SH3RF1: variants seen among roughly 807,000 people sequenced by gnomAD.
SH3RF1 encodes E3 ubiquitin-protein ligase SH3RF1.
In SH3RF1, 32 loss-of-function variants were observed where a neutral mutation model predicts 74.0. That is an observed-to-expected ratio of 0.43 (90% confidence interval 0.33 to 0.58). The LOEUF is 0.58. SH3RF1 is among the 20% of genes least tolerant of loss of function. SH3RF1 has a pLI of 0.05. For synonymous variants in SH3RF1, 396 were observed against 439.6 expected, an observed-to-expected ratio of 0.90 and a Z score of 1.24; for missense variants, 954 against 1,130.9, an observed-to-expected ratio of 0.84 and a Z score of 2.24.
rs1327609113 is a variant in SH3RF1 at position 169,096,119 on chromosome 4, C to T, written c.*400G>A. 1 of 156,974 alleles carries T rather than the reference C, an allele frequency of 6.4e-6. No homozygotes were observed. The highest frequency in any genetic ancestry group is 1.4e-5 in the Non-Finnish European group (1 of 71,222). 9.7% of individuals were successfully genotyped at this position (156,974 alleles called of 1,614,324 possible). ...AGGAGATAATCCAGCTTCTCCTTAC[C>T]TATCATTTCATAAATTAATAATTTC... On this transcript the variant is annotated 3_prime_UTR_variant, in exon 12 of 12. Coordinates refer to ENST00000284637, the MANE Select transcript of SH3RF1 (RefSeq NM_020870.4).
chr4:169,242,002 C>A (rs1011470928), intron 2 of SH3RF1, among the ~76,000 whole-genome samples: 6 of 151,986 alleles, frequency 3.9e-5, no homozygotes, highest in Non-Finnish European at 8.8e-5. Context: ...TAAACAAAAT[C>A]TGAAAAGATT....
chr4:169,112,665 A>G (rs919343972), intron 10 of SH3RF1, among the ~76,000 whole-genome samples: 5 of 152,244 alleles, frequency 3.3e-5, no homozygotes, highest in African/African-American at 1.2e-4. Flanking sequence ...AAGGGCACGT[A>G]CAAAAAGATC....
At chr4:169,225,480 G>A (rs1027710674) in intron 2 of SH3RF1, among the ~76,000 whole-genome samples, 1 of 152,168 alleles carries the variant, frequency 6.6e-6, no homozygotes, top group South Asian at 2.1e-4. Context: ...CATGAGGAAG[G>A]GAAGTCATTT....
At chr4:169,137,124 C>A (rs1387652339) in intron 4 of SH3RF1, among the ~76,000 whole-genome samples, 2 of 152,184 alleles carry the variant, frequency 1.3e-5, no homozygotes, top group African/African-American at 4.8e-5. Context: ...AACTCATGTG[C>A]TTCCATGTAT....
intron 2 of SH3RF1, among the ~76,000 whole-genome samples, chr4:169,251,828 A>G (rs986948519): frequency 2.0e-5 from 3 of 152,226 alleles, no homozygotes; most frequent in Non-Finnish European, 4.4e-5. Context: ...TGCGCAGCCT[A>G]CTAGAAACAA....
chr4:169,151,580 G>C (rs2063126), intron 4 of SH3RF1, among the ~76,000 whole-genome samples: 11,899 of 152,192 alleles, frequency 0.078, 721 homozygotes, highest in East Asian at 0.18. Context: ...GTGAGAGAAA[G>C]TCTGTCAGAG....
chr4:169,240,558 C>T (rs572884416), intron 2 of SH3RF1, among the ~76,000 whole-genome samples: 1 of 152,214 alleles, frequency 6.6e-6, no homozygotes, highest in South Asian at 2.1e-4. Context: ...AAGATACCAA[C>T]GTGTATTAAG....
intron 2 of SH3RF1, among the ~76,000 whole-genome samples, chr4:169,162,985 G>A (rs1338594120): frequency 6.6e-6 from 1 of 151,816 alleles, no homozygotes; most frequent in Non-Finnish European, 1.5e-5. Flanking sequence ...ATCCACCATC[G>A]CTAATGGAGT....
At chr4:169,245,635 T>C (rs1366695642) in intron 2 of SH3RF1, among the ~76,000 whole-genome samples, 6 of 152,154 alleles carry the variant, frequency 3.9e-5, no homozygotes, top group African/African-American at 7.2e-5. Flanking sequence ...CCTATAAATA[T>C]AGCAATGATA....
intron 2 of SH3RF1, among the ~76,000 whole-genome samples, chr4:169,178,043 C>A: frequency 6.6e-6 from 1 of 151,798 alleles, no homozygotes; most frequent in African/African-American, 2.4e-5. Context: ...GAGTTTGAGA[C>A]GAGCCTGGCC....
At chr4:169,122,342 GGA>G in intron 6 of SH3RF1, 76 bp from the exon 7 acceptor site, 1 of 1,445,000 alleles carries the variant, frequency 6.9e-7, no homozygotes. Flanking sequence ...ATGGAAGGTG[GGA>G]GAGAAAAAGA....
intron 2 of SH3RF1, among the ~76,000 whole-genome samples, chr4:169,222,925 C>T (rs1730591196): frequency 6.6e-6 from 1 of 152,168 alleles, no homozygotes; most frequent in Non-Finnish European, 1.5e-5. Context: ...CTATAAATGC[C>T]TGTGTGGACA....
Position 169,157,936 on chromosome 4 carries a change from G to A in SH3RF1, c.394-1257C>T, listed in dbSNP as rs1180570438. 7.1e-5 allele frequency among the ~76,000 whole-genome samples: 10 copies of A among 139,978 alleles called. 1 individual carries two copies. The highest frequency in any genetic ancestry group is 5.0e-4 in the Admixed American group (7 of 14,062). 91.8% of individuals were successfully genotyped at this position (139,978 alleles called of 152,430 possible). A position where few individuals can be genotyped will look rare whatever the true frequency, so the allele number is the denominator to read the frequency against. On this transcript the variant is annotated intron_variant, in intron 2 of 11. Transcript: ENST00000284637. ...TTGTATTTTTACAAAATGGGGTCTC[G>A]CCATGTTGGCCAGGCTGGTCTCAAA...
At chr4:169,155,675 G>A (rs1295602046) in intron 3 of SH3RF1, 100 bp from the exon 4 acceptor site, 1 of 844,878 alleles carries the variant, frequency 1.2e-6, no homozygotes, top group South Asian at 1.5e-5. Context: ...ATGTTTTAAA[G>A]AGTACATGAA....
chr4:169,267,458 C>T (rs1731372111), intron 2 of SH3RF1, among the ~76,000 whole-genome samples: 1 of 152,160 alleles, frequency 6.6e-6, no homozygotes, highest in South Asian at 2.1e-4. Flanking sequence ...AATAAGTAAA[C>T]TCCATAAAAT....
chr4:169,101,091 C>A (rs963086901), intron 11 of SH3RF1, among the ~76,000 whole-genome samples: 12 of 152,176 alleles, frequency 7.9e-5, no homozygotes, highest in African/African-American at 2.9e-4. Context: ...GTATTATTAC[C>A]ATCTGTGTCC....
chr4:169,110,143 G>C (rs544102199), intron 10 of SH3RF1, among the ~76,000 whole-genome samples: 1 of 152,204 alleles, frequency 6.6e-6, no homozygotes, highest in African/African-American at 2.4e-5. Flanking sequence ...GGGAGGCCAA[G>C]GCGGCAGGAT....
chr4:169,108,552 C>T (rs1213160113), intron 10 of SH3RF1, among the ~76,000 whole-genome samples: 1 of 152,144 alleles, frequency 6.6e-6, no homozygotes, highest in Non-Finnish European at 1.5e-5. Context: ...GGAGTGGGTG[C>T]TAAGGTCATT....
At chr4:169,116,902 CCA>C (rs1733343487) in intron 9 of SH3RF1, among the ~76,000 whole-genome samples, 1 of 152,184 alleles carries the variant, frequency 6.6e-6, no homozygotes, top group African/African-American at 2.4e-5. Flanking sequence ...GACAGCCTCT[CCA>C]CAGTGTTAGA....
Sources: allele counts gnomAD v4.1 joint callset (sites outside exome capture counted in the v4.1 genomes callset), GRCh38; gene constraint gnomAD v4.1.1; transcripts MANE v1.5; gene names NCBI Gene and HGNC (gene_info 2026-07-23, HGNC 2026-07-21).